Variants in SEC23A observed in about 807,000 individuals in gnomAD.
SEC23A encodes protein transport protein Sec23A.
Under a neutral mutation model 103.7 loss-of-function variants are expected in SEC23A, and 56 were observed. The ratio of observed to expected loss-of-function variants is 0.54; its 90% CI spans 0.44 to 0.67. The LOEUF (loss-of-function observed/expected upper bound fraction) is 0.67. Among genes scored for constraint, SEC23A ranks in the 30% least tolerant of loss-of-function variants. The pLI, the probability that SEC23A is intolerant of heterozygous loss-of-function variation, is 0.00. For synonymous variants in SEC23A, 281 were observed against 293.0 expected (o/e 0.96, Z 0.42); for missense variants, 784 against 936.4 (o/e 0.84, Z 2.12).
chr14:39,089,096 C>T (rs894128441), intron 5 of SEC23A, among the ~76,000 whole-genome samples: 3 of 145,920 alleles, frequency 2.1e-5, no homozygotes, highest in Non-Finnish European at 4.5e-5. Flanking sequence ...ATCGCTCGAA[C>T]TAAGGAGGCG....
intron 13 of SEC23A, among the ~76,000 whole-genome samples, chr14:39,056,586 T>C (rs1239921258): frequency 6.6e-6 from 1 of 151,898 alleles, no homozygotes; most frequent in Admixed American, 6.6e-5. Flanking sequence ...GCAATTCCTG[T>C]GCCTCAGCCT....
At chr14:39,058,295 T>A (rs1303704902) in intron 13 of SEC23A, among the ~76,000 whole-genome samples, 4 of 151,904 alleles carry the variant, frequency 2.6e-5, no homozygotes, top group Non-Finnish European at 5.9e-5. Context: ...TATTTTTTTT[T>A]TTTTTTAATT....
chr14:39,033,377 T>C (rs768686167), intron 19 of SEC23A, 49 bp from the exon 20 acceptor site: 3 of 1,201,830 alleles, frequency 2.5e-6, no homozygotes, highest in Non-Finnish European at 3.7e-6. Context: ...GGTGATATCA[T>C]GGAATTTATA....
At chr14:39,044,032 G>A (rs529683208) in intron 16 of SEC23A, among the ~76,000 whole-genome samples, 58 of 152,194 alleles carry the variant, frequency 3.8e-4, no homozygotes, top group African/African-American at 1.0e-3. Flanking sequence ...TGTTTTGGCC[G>A]TTTGTTATAA....
Position 39,076,023 on chromosome 14 carries a change from A to G in SEC23A, c.899T>C (p.Met300Thr). The change falls in exon 8 of 20, where the codon ATG (methionine) becomes ACG (threonine). Residue 300 changes from methionine (M) to threonine (T), a missense_variant. Transcript: ENST00000307712. ...IGGPATQGPG[M>T]VVGDELKTPI... ...TGTCTTCAACTCATCTCCAACCACC[A>G]TTCCAGGCCCCTGAGTAGCAGGACC... 1.2e-6 allele frequency: 2 copies of G among 1,613,960 alleles called. No individual in the cohort carries two copies. Among genetic ancestry groups the G allele is most frequent in the Non-Finnish European group, 1.7e-6 (2 of 1,179,908 alleles).
chr14:39,085,685 TATATACACAC>T lies in SEC23A; in HGVS notation c.828+67_828+76del, dbSNP rs1459301981. The T allele has an allele frequency of 1.6e-4, 150 of 957,338 alleles. 2 individuals are homozygous for T. The highest frequency in any genetic ancestry group is 7.1e-4 in the South Asian group (48 of 67,656). 59.3% of individuals were successfully genotyped at this position (957,338 alleles called of 1,614,324 possible). A position where few individuals can be genotyped will look rare whatever the true frequency, so the allele number is the denominator to read the frequency against. ...TTGGTTCTTCTTATCCTTATAATTA[TATATACACAC>T]ACACACACACACACACACACACACA... On this transcript the variant is annotated intron_variant, in intron 7 of 19. Transcript: ENST00000307712.
At chr14:39,088,578 C>T (rs1887537851) in intron 5 of SEC23A, 1 of 151,912 alleles carries the variant, frequency 6.6e-6, no homozygotes, top group Non-Finnish European at 1.5e-5. Context: ...ACTAAAAATA[C>T]AAAAATTAGT....
chr14:39,045,866 C>T (rs1451290773), intron 15 of SEC23A, among the ~76,000 whole-genome samples: 1 of 151,724 alleles, frequency 6.6e-6, no homozygotes, highest in Non-Finnish European at 1.5e-5. Flanking sequence ...AAATAAATTA[C>T]AGATTTTCTA....
intron 19 of SEC23A, 106 bp from the exon 20 acceptor site, chr14:39,033,434 T>C (rs1885367818): frequency 1.0e-5 from 4 of 393,602 alleles, no homozygotes; most frequent in Non-Finnish European, 1.8e-5. Context: ...ATGCCTATGG[T>C]CCTATTAAAT....
At chr14:39,080,181 C>T (rs1887175617) in intron 7 of SEC23A, among the ~76,000 whole-genome samples, 1 of 152,092 alleles carries the variant, frequency 6.6e-6, no homozygotes, top group Non-Finnish European at 1.5e-5. Context: ...CTCATGCTCT[C>T]ATTGCAATTC....
intron 5 of SEC23A, among the ~76,000 whole-genome samples, chr14:39,089,150 A>G (rs1304415349): frequency 6.8e-6 from 1 of 147,888 alleles, no homozygotes; most frequent in Non-Finnish European, 1.5e-5. Context: ...TGGGTGACAG[A>G]GCAAGACTCC....
At chr14:39,049,420 G>A (rs1262211223) in intron 14 of SEC23A, among the ~76,000 whole-genome samples, 1 of 151,612 alleles carries the variant, frequency 6.6e-6, no homozygotes, top group Non-Finnish European at 1.5e-5. Context: ...AGGTTGCAGT[G>A]AGCTGAGATC....
At chr14:39,093,270 T>C (rs747442786) in intron 2 of SEC23A, 26 bp from the exon 3 acceptor site, 2 of 1,573,494 alleles carry the variant, frequency 1.3e-6, no homozygotes, top group Non-Finnish European at 1.7e-6. Flanking sequence ...AGAAAAGACA[T>C]ATCAGTTCAT....
rs1276785608 is a variant in SEC23A, at chr14:39,085,687, T to TACACACACACACAC, written c.828+74_828+75insGTGTGTGTGTGTGT. The TACACACACACACAC allele has an allele frequency of 7.6e-4, 891 of 1,178,926 alleles. 10 individuals are homozygous for TACACACACACACAC. In the African/African-American group the frequency reaches 0.012, roughly 16 times the overall value. The allele number at this position is 1,178,926 out of a possible 1,614,324, so 73.0% of individuals were successfully genotyped here. On this transcript the variant is annotated intron_variant, in intron 7 of 19. Coordinates refer to ENST00000307712, the MANE Select transcript of SEC23A (RefSeq NM_006364.4). ...GGTTCTTCTTATCCTTATAATTATATATACACACACACACACACACACACA... is the reference window on the plus strand; with the variant it reads ...GGTTCTTCTTATCCTTATAATTATATACACACACACACACATACACACACACACACACACACACA...
chr14:39,101,145 C>T (rs1381288180), intron 1 of SEC23A, among the ~76,000 whole-genome samples: 2 of 152,066 alleles, frequency 1.3e-5, no homozygotes, highest in East Asian at 3.9e-4. Flanking sequence ...CACCCAGCCA[C>T]TAGTCTTTAT....
intron 1 of SEC23A, among the ~76,000 whole-genome samples, chr14:39,102,550 G>C (rs1346546659): frequency 6.6e-6 from 1 of 152,220 alleles, no homozygotes; most frequent in Non-Finnish European, 1.5e-5. Context: ...CTGGAAAACT[G>C]AACTCTTTGT....
intron 1 of SEC23A, among the ~76,000 whole-genome samples, chr14:39,102,350 A>G (rs1888133435): frequency 6.6e-6 from 1 of 152,238 alleles, no homozygotes; most frequent in Admixed American, 6.5e-5. Flanking sequence ...AACCAAGTTA[A>G]TTTGGCTAGT....
chr14:39,091,797 C>T (rs142090477), intron 4 of SEC23A, 84 bp from the exon 5 acceptor site: 73 of 916,658 alleles, frequency 8.0e-5, no homozygotes, highest in Non-Finnish European at 1.2e-4. Flanking sequence ...AATTAAATAA[C>T]GAATACAAAA....
At chr14:39,063,212 T>A (rs915100837) in intron 12 of SEC23A, 112 bp downstream of exon 12, 2 of 653,394 alleles carry the variant, frequency 3.1e-6, no homozygotes, top group Admixed American at 5.0e-5. Context: ...AGAAAATAAA[T>A]GTTGGGTTAT....
Sources: allele counts gnomAD v4.1 joint callset (sites outside exome capture counted in the v4.1 genomes callset), GRCh38; gene constraint gnomAD v4.1.1; transcripts MANE v1.5; gene names NCBI Gene and HGNC (gene_info 2026-07-23, HGNC 2026-07-21).